Variants in TENM2 observed in about 807,000 individuals in gnomAD.
TENM2 encodes the protein teneurin transmembrane protein 2.
Under a neutral mutation model 245.2 loss-of-function variants are expected in TENM2, and 52 were observed. The observed-to-expected ratio is 0.21, with a 90% CI of 0.17 to 0.27. The LOEUF (loss-of-function observed/expected upper bound fraction) is 0.27, where lower values mean the gene tolerates loss of function less well. Ranked by LOEUF, TENM2 falls within the 10% of genes least tolerant of loss-of-function variation. TENM2 has a pLI of 1.00. For missense variants in TENM2, 3,046 were observed against 3,666.8 expected, an observed-to-expected ratio of 0.83 and a Z score of 4.37; for synonymous variants, 1,363 against 1,438.9, an observed-to-expected ratio of 0.95 and a Z score of 1.19.
At chr5:168,039,968 A>G (rs1292307207) in intron 5 of TENM2, among the ~76,000 whole-genome samples, 2 of 152,146 alleles carry the variant, frequency 1.3e-5, no homozygotes, top group African/African-American at 4.8e-5. Context: ...TGTTTTCTGC[A>G]AACACAGCAA....
chr5:168,216,805 C>T (rs1281380281), exon 22 of TENM2: 22 of 1,613,812 alleles, frequency 1.4e-5, no homozygotes, highest in East Asian at 2.2e-5. Context: ...TGTACTTTGT[C>T]GATGCCACCA....
intron 3 of TENM2, among the ~76,000 whole-genome samples, chr5:167,911,011 A>G (rs985101657): frequency 6.6e-6 from 1 of 152,230 alleles, no homozygotes; most frequent in Admixed American, 6.5e-5. Flanking sequence ...CCTGTTATTA[A>G]GAGCTCAAAA....
At chr5:167,172,624 C>G in the TENM2 span, among the ~76,000 whole-genome samples, 1 of 139,844 alleles carries the variant, frequency 7.2e-6, no homozygotes, top group Non-Finnish European at 1.6e-5. Flanking sequence ...TCATTTTCAT[C>G]TTTTTTTTTT....
At chr5:167,751,273 A>C (rs1300025693) in intron 2 of TENM2, among the ~76,000 whole-genome samples, 1 of 152,170 alleles carries the variant, frequency 6.6e-6, no homozygotes, top group African/African-American at 2.4e-5. Flanking sequence ...GATGTTTAAG[A>C]AGGGAGTGTA....
At chr5:167,768,470 C>T (rs574563599) in intron 2 of TENM2, among the ~76,000 whole-genome samples, 37 of 152,258 alleles carry the variant, frequency 2.4e-4, no homozygotes, top group East Asian at 1.9e-3. Flanking sequence ...TAACGATCTA[C>T]GAAAGGGCCA....
chr5:167,893,067 CT>C (rs1346816099), intron 3 of TENM2, among the ~76,000 whole-genome samples: 1 of 152,092 alleles, frequency 6.6e-6, no homozygotes, highest in Non-Finnish European at 1.5e-5. Context: ...AGAGTATTAC[CT>C]TTTGGCTAGG....
intron 2 of TENM2, chr5:167,653,814 G>A (rs897472430): frequency 2.6e-5 from 4 of 152,200 alleles, no homozygotes; most frequent in African/African-American, 9.7e-5. Flanking sequence ...CTAATCTGAG[G>A]GCTTTTGAAG....
intron 9 of TENM2, among the ~76,000 whole-genome samples, chr5:168,108,170 C>G (rs909977044): frequency 6.6e-6 from 1 of 151,916 alleles, no homozygotes; most frequent in African/African-American, 2.4e-5. Flanking sequence ...AAATCAGCCA[C>G]CTTTGAGGCA....
chr5:167,993,546 A>G (rs1011223273), intron 5 of TENM2, among the ~76,000 whole-genome samples: 2 of 152,214 alleles, frequency 1.3e-5, no homozygotes, highest in African/African-American at 4.8e-5. Flanking sequence ...TTTGAAATGT[A>G]TGCAACATTG....
chr5:167,212,755 G>T, the TENM2 span, among the ~76,000 whole-genome samples: 1 of 152,160 alleles, frequency 6.6e-6, no homozygotes, highest in Non-Finnish European at 1.5e-5. Context: ...AAAGGCAGAA[G>T]AATTAGATCA....
intron 2 of TENM2, among the ~76,000 whole-genome samples, chr5:167,478,075 C>T (rs1767511163): frequency 6.6e-6 from 1 of 152,290 alleles, no homozygotes; most frequent in East Asian, 1.9e-4. Context: ...TTCACATGCA[C>T]TCAAACTGGG....
At chr5:168,136,887 G>A (rs547867281) in intron 12 of TENM2, among the ~76,000 whole-genome samples, 1 of 152,150 alleles carries the variant, frequency 6.6e-6, no homozygotes, top group Admixed American at 6.5e-5. Flanking sequence ...CCTTCATTTT[G>A]AGCCAGCTCA....
At chr5:167,983,258 A>T (rs571391022) in intron 4 of TENM2, among the ~76,000 whole-genome samples, 3 of 152,296 alleles carry the variant, frequency 2.0e-5, no homozygotes, top group Admixed American at 6.5e-5. Flanking sequence ...GGTTTCTTTA[A>T]TGACCTCGAG....
At chr5:167,872,461 CG>C (rs1772961493) in intron 2 of TENM2, among the ~76,000 whole-genome samples, 1 of 99,840 alleles carries the variant, frequency 1.0e-5, no homozygotes. Context: ...AAAGAAAGCA[CG>C]AAAGAAAGAA....
chr5:167,153,307 A>G, the TENM2 span, among the ~76,000 whole-genome samples: 4 of 152,260 alleles, frequency 2.6e-5, no homozygotes, highest in East Asian at 7.7e-4. Context: ...TATATTATAT[A>G]CTGTATTCTT....
the TENM2 span, among the ~76,000 whole-genome samples, chr5:167,080,183 T>A: frequency 0.041 from 6,299 of 152,290 alleles, 173 homozygotes; most frequent in South Asian, 0.091. Context: ...AAAATATTGG[T>A]CTTCTCTTTA....
chr5:167,397,772 A>G (rs1043661545), intron 2 of TENM2, among the ~76,000 whole-genome samples: 1 of 152,224 alleles, frequency 6.6e-6, no homozygotes, highest in Non-Finnish European at 1.5e-5. Context: ...ACTTGATCTC[A>G]TATATCTTTG....
chr5:168,247,404 C>A lies in TENM2; in HGVS notation c.6465C>A (p.Asp2155Glu). 6.2e-7 allele frequency: 1 copy of A among 1,613,996 alleles called. No individual in the cohort carries two copies. Among genetic ancestry groups the A allele is most frequent in the East Asian group, 2.2e-5 (1 of 44,872 alleles). The change falls in exon 27 of 29, where the codon GAC (aspartate) becomes GAA (glutamate). Residue 2155 changes from aspartate to glutamate, a missense_variant. This residue lies in a region of TENM2 where 2,704 missense variants were observed against 3,331.9 expected (regional missense o/e 0.81). Coordinates refer to ENST00000518659, the Ensembl canonical transcript of TENM2. This position sits in a 1 kb window ranked among gnomAD's most constrained non-coding sequence, Gnocchi z 7.8. ...TGATGACCCTCAGCAAACACTTCGA[C>A]ACCCATGGGCGGATCAAGGAGGTCC...
the TENM2 span, among the ~76,000 whole-genome samples, chr5:167,161,024 G>A: frequency 1.3e-5 from 2 of 152,212 alleles, no homozygotes; most frequent in Non-Finnish European, 2.9e-5. Flanking sequence ...GAACACTAGT[G>A]TCCTGAGGAA....
Sources: gnomAD v4.1 joint callset for allele counts (sites outside exome capture counted in the v4.1 genomes callset) on GRCh38, gnomAD v4.1.1 for gene constraint, gnomAD v4.1.1 regional missense constraint, Gnocchi (gnomAD v3.1) non-coding constraint, MANE v1.5 for transcripts, NCBI Gene and HGNC (gene_info 2026-07-23, HGNC 2026-07-21) for gene names.